Variants in SEPTIN9 observed in about 807,000 individuals in gnomAD.
SEPTIN9 encodes septin-9.
Under a neutral mutation model 56.6 loss-of-function variants are expected in SEPTIN9, and 13 were observed. That is an observed-to-expected ratio of 0.23 (90% confidence interval 0.15 to 0.37). The LOEUF is 0.37. Ranked by LOEUF, SEPTIN9 falls within the 10% of genes least tolerant of loss-of-function variation. The pLI, the probability that SEPTIN9 is intolerant of heterozygous loss-of-function variation, is 1.00. For missense variants in SEPTIN9, 650 were observed against 823.1 expected, an observed-to-expected ratio of 0.79 and a Z score of 2.57; for synonymous variants, 332 against 334.1, an observed-to-expected ratio of 0.99 and a Z score of 0.07.
In SEPTIN9 at chr17:77,500,120, C is replaced by T. The variant is rs1383595620; in HGVS notation, c.*1462C>T. On this transcript the variant is annotated 3_prime_UTR_variant, in exon 12 of 12. Coordinates refer to ENST00000427177, the MANE Select transcript of SEPTIN9 (RefSeq NM_001113491.2). Reference sequence around the variant, plus strand: ...CATCACCAGGTGCATCTGCAGGCACCGGGCTGGCTGCTTGCAGCCAGGAGA... The same window carrying T: ...CATCACCAGGTGCATCTGCAGGCACTGGGCTGGCTGCTTGCAGCCAGGAGA... 6 of 233,018 alleles carry T rather than the reference C, an allele frequency of 2.6e-5. No individual in the cohort carries two copies. The highest frequency in any genetic ancestry group is 6.1e-5 in the East Asian group (1 of 16,484). The allele number at this position is 233,018 out of a possible 1,614,324, so 14.4% of individuals were successfully genotyped here.
rs1049335426 is a variant in SEPTIN9, at chr17:77,317,974, C to T, written c.76+10777C>T. ...GCTGAGGCAGAAGAATTGCTTGAAC[C>T]CAGGTGGCGGAGGTTGCAGTGAACT... On this transcript the variant is annotated intron_variant, in intron 2 of 11. Coordinates refer to ENST00000427177, the MANE Select transcript of SEPTIN9 (RefSeq NM_001113491.2). This position sits in a 1 kb window ranked among gnomAD's most constrained non-coding sequence, Gnocchi z 4.2. 2.0e-5 allele frequency among the ~76,000 whole-genome samples: 3 copies of T among 152,066 alleles called. No individual in the cohort carries two copies. Among genetic ancestry groups the T allele is most frequent in the Non-Finnish European group, 2.9e-5 (2 of 68,016 alleles).
At chr17:77,346,038 C>T (rs1218042226) in intron 2 of SEPTIN9, among the ~76,000 whole-genome samples, 3 of 152,100 alleles carry the variant, frequency 2.0e-5, no homozygotes, top group Non-Finnish European at 2.9e-5. Flanking sequence ...GCAACCTCCA[C>T]CTCCCGGGTT....
chr17:77,410,401 G>A (rs753178181), intron 3 of SEPTIN9, among the ~76,000 whole-genome samples: 57 of 152,180 alleles, frequency 3.7e-4, no homozygotes, highest in African/African-American at 1.3e-3. Context: ...TCCACTCCAC[G>A]GCCCCTGTCT....
rs988665407 is a variant in SEPTIN9 at position 77,429,921 on chromosome 17, T to C, written c.721+27218T>C. Among the ~76,000 whole-genome samples the C allele has an allele frequency of 5.3e-5, 8 of 152,188 alleles. No individual in the cohort carries two copies. Among genetic ancestry groups the C allele is most frequent in the African/African-American group, 1.9e-4 (8 of 41,436 alleles). On this transcript the variant is annotated intron_variant, in intron 3 of 11. Coordinates refer to ENST00000427177, the MANE Select transcript of SEPTIN9 (RefSeq NM_001113491.2). The surrounding 1 kb of genome is among the most constrained non-coding windows in gnomAD (Gnocchi z 5.2). ...GCTCATGGCTGTCAAATCCTTTAGA[T>C]GCTTCTGGGTTCCATGGGCGCCTTA...
intron 2 of SEPTIN9, among the ~76,000 whole-genome samples, chr17:77,340,421 G>A (rs771102880): frequency 6.6e-6 from 1 of 152,152 alleles, no homozygotes; most frequent in Admixed American, 6.5e-5. Flanking sequence ...GATTACAGGC[G>A]TGAGTTGCCG....
intron 1 of SEPTIN9, among the ~76,000 whole-genome samples, chr17:77,292,533 G>A (rs950122518): frequency 3.3e-5 from 5 of 150,116 alleles, no homozygotes; most frequent in East Asian, 2.0e-4. Context: ...TCGCTCTGTC[G>A]CCCAGGCTGG....
chr17:77,372,946 C>G, intron 2 of SEPTIN9, among the ~76,000 whole-genome samples: 1 of 152,224 alleles, frequency 6.6e-6, no homozygotes, highest in East Asian at 1.9e-4. Context: ...TGCCCAAATA[C>G]AGCCTCCTGC....
Position 77,319,941 on chromosome 17 carries a change from A to T in SEPTIN9, c.76+12744A>T. 1 of 1,152,872 alleles carries T rather than the reference A, an allele frequency of 8.7e-7. No individual in the cohort carries two copies. The allele number at this position is 1,152,872 out of a possible 1,614,324, so 71.4% of individuals were successfully genotyped here. A position where few individuals can be genotyped will look rare whatever the true frequency, so the allele number is the denominator to read the frequency against. On this transcript the variant is annotated intron_variant, in intron 2 of 11. Transcript: ENST00000427177. The surrounding 1 kb of genome is among the most constrained non-coding windows in gnomAD (Gnocchi z 5.3). ...AGCCGCACTCGGGACCTCTGCAGCCACCGACCAGACCGGGCGGCCGGGACT... is the reference window on the plus strand; with the variant it reads ...AGCCGCACTCGGGACCTCTGCAGCCTCCGACCAGACCGGGCGGCCGGGACT...
chr17:77,345,669 G>T (rs4789446), intron 2 of SEPTIN9, among the ~76,000 whole-genome samples: 22,965 of 152,060 alleles, frequency 0.15, 2,424 homozygotes, highest in African/African-American at 0.29. Context: ...GCCCCACTGG[G>T]CACACGCCAC....
intron 1 of SEPTIN9, among the ~76,000 whole-genome samples, chr17:77,292,743 G>A (rs1222807904): frequency 1.3e-5 from 2 of 151,922 alleles, no homozygotes; most frequent in African/African-American, 2.4e-5. Context: ...ATAGGCTCGC[G>A]TCGGCCTCCC....
chr17:77,336,189 A>G (rs989687305), intron 2 of SEPTIN9, among the ~76,000 whole-genome samples: 5 of 152,212 alleles, frequency 3.3e-5, no homozygotes, highest in Non-Finnish European at 7.4e-5. Flanking sequence ...TCTCTCAAAT[A>G]TCTAAAATAT....
intron 4 of SEPTIN9, chr17:77,482,696 T>C: frequency 3.4e-6 from 2 of 591,206 alleles, no homozygotes; most frequent in Admixed American, 2.9e-5. Flanking sequence ...AGCCTGGCCC[T>C]CCAGGCTCCC....
intron 2 of SEPTIN9, among the ~76,000 whole-genome samples, chr17:77,314,341 C>CTTTTT (rs33986509): frequency 1.0e-4 from 7 of 67,964 alleles, no homozygotes; most frequent in African/African-American, 1.9e-4. Context: ...TGTGCCTGGA[C>CTTTTT]TTTTTTTTTT....
rs114522567 is a variant in SEPTIN9, at chr17:77,367,117, G to A, written c.77-34942G>A. Among the ~76,000 whole-genome samples, 866 of 152,268 alleles carry A rather than the reference G, an allele frequency of 5.7e-3. 8 individuals carry two copies. The highest frequency in any genetic ancestry group is 0.02 in the African/African-American group (817 of 41,548). ...TGATGGGGTGTGGTAGCTGCACACC[G>A]GCTCAGTCAGGCTGAATGGGGAAAT... On this transcript the variant is annotated intron_variant, in intron 2 of 11. Transcript: ENST00000427177. The surrounding 1 kb of genome is among the most constrained non-coding windows in gnomAD (Gnocchi z 4.5).
Position 77,402,504 on chromosome 17 carries a change from G to A in SEPTIN9, c.522G>A (p.Glu174=). Reference sequence around the variant, plus strand: ...AGCCCCCTGCCTCCAAGGTCCCCGAGGTGCCCACTGCCCCTGCCACCGACG... The same window carrying A: ...AGCCCCCTGCCTCCAAGGTCCCCGAAGTGCCCACTGCCCCTGCCACCGACG... ...RMEPPASKVP[E]VPTAPATDAA... The change falls in exon 3 of 12, where the codon GAG becomes GAA. Residue 174 remains glutamate (E), a synonymous_variant. Transcript: ENST00000427177. This position sits in a 1 kb window ranked among gnomAD's most constrained non-coding sequence, Gnocchi z 6.6. The A allele has an allele frequency of 1.2e-6, 2 of 1,603,700 alleles. No homozygotes were observed. The highest frequency in any genetic ancestry group is 1.7e-6 in the Non-Finnish European group (2 of 1,175,672).
At chr17:77,482,653 G>T in intron 4 of SEPTIN9, 1 of 611,726 alleles carries the variant, frequency 1.6e-6, no homozygotes, top group Non-Finnish European at 2.9e-6. Context: ...TGTGCAGAGG[G>T]TTCTGTGGCA....
Position 77,405,203 on chromosome 17 carries a change from C to T in SEPTIN9, c.721+2500C>T. ...CCTCCAGGGGCAGACACAGTTTAGC[C>T]CCTAAATTGTGCCAGAGACTGTGCC... On this transcript the variant is annotated intron_variant, in intron 3 of 11. Coordinates refer to ENST00000427177, the MANE Select transcript of SEPTIN9 (RefSeq NM_001113491.2). The surrounding 1 kb of genome is among the most constrained non-coding windows in gnomAD (Gnocchi z 5.8). The T allele has an allele frequency of 3.5e-6, 5 of 1,409,606 alleles. No homozygotes were observed. Among genetic ancestry groups the T allele is most frequent in the Non-Finnish European group, 4.8e-6 (5 of 1,036,904 alleles). The allele number at this position is 1,409,606 out of a possible 1,614,324, so 87.3% of individuals were successfully genotyped here.
intron 10 of SEPTIN9, among the ~76,000 whole-genome samples, chr17:77,496,769 C>CCCCTGTGTGTGT (rs772440457): frequency 2.6e-5 from 4 of 152,248 alleles, no homozygotes; most frequent in Admixed American, 6.5e-5. Context: ...CAGTACGTAG[C>CCCCTGTGTGTGT]CCCTGTGTGT....
At chr17:77,352,595 G>A (rs2034101952) in intron 2 of SEPTIN9, among the ~76,000 whole-genome samples, 1 of 152,120 alleles carries the variant, frequency 6.6e-6, no homozygotes, top group Non-Finnish European at 1.5e-5. Flanking sequence ...TTGCAGCTCG[G>A]CCTACCCCCC....
Sources: allele counts gnomAD v4.1 joint callset (sites outside exome capture counted in the v4.1 genomes callset), GRCh38; gene constraint gnomAD v4.1.1; non-coding constraint Gnocchi (gnomAD v3.1); transcripts MANE v1.5; gene names NCBI Gene and HGNC (gene_info 2026-07-23, HGNC 2026-07-21).